Variants in CDC25B observed in about 807,000 individuals in gnomAD.
CDC25B encodes M-phase inducer phosphatase 2.
A neutral mutation model predicts 69.8 loss-of-function variants in CDC25B; 33 were observed. The ratio of observed to expected loss-of-function variants is 0.47; its 90% CI spans 0.36 to 0.63. The LOEUF is 0.63. Among genes scored for constraint, CDC25B ranks in the 30% least tolerant of loss-of-function variants. The pLI, the probability that CDC25B is intolerant of heterozygous loss-of-function variation, is 0.00. For synonymous variants in CDC25B, 341 were observed against 314.6 expected, an observed-to-expected ratio of 1.08 and a Z score of -0.89; for missense variants, 727 against 809.1, an observed-to-expected ratio of 0.90 and a Z score of 1.23.
At chr20:3,796,880 C>A in intron 1 of CDC25B, 149 bp downstream of exon 1, 1 of 1,046,888 alleles carries the variant, frequency 9.6e-7, no homozygotes. Flanking sequence ...CTTGTTCCCT[C>A]CTAGGGGCCC....
rs762810194 is a variant in CDC25B at position 3,802,395 on chromosome 20, G to T, written c.1194+19G>T. On this transcript the variant is annotated intron_variant, in intron 11 of 15. Transcript: ENST00000245960. Reference sequence around the variant, plus strand: ...CTCTAAGGTACCTGCAGCAGCGAAGGGGGTACCTTGGGGGCTTGACCTCTT... The same window carrying T: ...CTCTAAGGTACCTGCAGCAGCGAAGTGGGTACCTTGGGGGCTTGACCTCTT... The T allele has an allele frequency of 2.2e-5, 34 of 1,553,762 alleles. No homozygotes were observed. The highest frequency in any genetic ancestry group is 1.7e-4 in the Middle Eastern group (1 of 5,982).
chr20:3,798,489 T>A (rs201830048), intron 3 of CDC25B, 26 bp downstream of exon 3: 20 of 1,555,320 alleles, frequency 1.3e-5, no homozygotes, highest in Non-Finnish European at 1.6e-5. Context: ...AATGTGTACT[T>A]CCAAGCATTC....
chr20:3,799,711 G>T (rs2089206669), intron 3 of CDC25B, among the ~76,000 whole-genome samples: 1 of 152,086 alleles, frequency 6.6e-6, no homozygotes, highest in Non-Finnish European at 1.5e-5. Context: ...AGGAGAGGAT[G>T]TGAGCCTGCA....
rs748880746 is a variant in CDC25B at position 3,801,037 on chromosome 20, T to C, written c.649T>C (p.Trp217Arg). ...CAGCTCCACCCATGCTCTGGCAGAGTGGGCCAGCCGCAGGGAAGCCTTTGC... is the reference window on the plus strand; with the variant it reads ...CAGCTCCACCCATGCTCTGGCAGAGCGGGCCAGCCGCAGGGAAGCCTTTGC... ...HPSSTHALAE[W>R]ASRREAFAQR... The change falls in exon 7 of 16, where the codon TGG becomes CGG. Residue 217 changes from tryptophan (W) to arginine (R), a missense_variant. Coordinates refer to ENST00000245960, the MANE Select transcript of CDC25B (RefSeq NM_021873.4). 1.2e-6 allele frequency: 2 copies of C among 1,613,810 alleles called. No homozygotes were observed. The highest frequency in any genetic ancestry group is 1.7e-5 in the Admixed American group (1 of 60,006).
upstream of CDC25B, among the ~76,000 whole-genome samples, chr20:3,791,960 C>T (rs574939149): frequency 6.6e-6 from 1 of 152,232 alleles, no homozygotes; most frequent in Non-Finnish European, 1.5e-5. Flanking sequence ...GTCACCCAGG[C>T]TGGAGTGCAG....
intron 3 of CDC25B, 92 bp from the exon 4 acceptor site, chr20:3,800,195 GC>G: frequency 7.8e-7 from 1 of 1,285,118 alleles, no homozygotes; most frequent in East Asian, 2.3e-5. Context: ...CCTTGTCTTT[GC>G]CCTTACTCCC....
chr20:3,798,620 G>T (rs1034180322), intron 3 of CDC25B, among the ~76,000 whole-genome samples, 157 bp downstream of exon 3: 2 of 152,128 alleles, frequency 1.3e-5, no homozygotes, highest in Admixed American at 6.6e-5. Context: ...ACTTTCTCAG[G>T]CCTTGGCATT....
At chr20:3,804,785 C>T (rs1352960825) in intron 15 of CDC25B, 36 bp from the exon 16 acceptor site, 1 of 1,611,944 alleles carries the variant, frequency 6.2e-7, no homozygotes, top group Admixed American at 1.7e-5. Flanking sequence ...CAAACTTACC[C>T]ATTCCACTGC....
Position 3,805,858 on chromosome 20 carries a change from T to TA in CDC25B, c.*898dup. 2.5e-6 allele frequency: 1 copy of TA among 404,748 alleles called. No individual in the cohort carries two copies. The highest frequency in any genetic ancestry group is 4.4e-6 in the Non-Finnish European group (1 of 227,850). 25.1% of individuals were successfully genotyped at this position (404,748 alleles called of 1,614,324 possible). A position where few individuals can be genotyped will look rare whatever the true frequency, so the allele number is the denominator to read the frequency against. On this transcript the variant is annotated 3_prime_UTR_variant, in exon 16 of 16. Transcript: ENST00000245960. ...GGCCGTGGATGCGCAGTGCCTTGCA[T>TA]ACCCAAACCAGGTGGGAGCGTTTTG...
chr20:3,804,059 A>G (rs1210167667), intron 14 of CDC25B, among the ~76,000 whole-genome samples: 2 of 152,096 alleles, frequency 1.3e-5, no homozygotes, highest in Non-Finnish European at 2.9e-5. Context: ...ATGTGGTGGG[A>G]ATCTGCACCC....
At chr20:3,788,401 C>A (rs1271530329) in intron 1 of CDC25B, among the ~76,000 whole-genome samples, 1 of 152,170 alleles carries the variant, frequency 6.6e-6, no homozygotes, top group Non-Finnish European at 1.5e-5. Context: ...AAGAAAAGAT[C>A]TTGTTAAGTA....
chr20:3,800,676 G>T (rs1370811337), intron 5 of CDC25B, 67 bp from the exon 6 acceptor site: 5 of 1,599,604 alleles, frequency 3.1e-6, no homozygotes. Flanking sequence ...GAGAAGGTAG[G>T]GCCTGGGCTC....
At chr20:3,787,052 G>A in exon 1 of CDC25B, 1 of 602,514 alleles carries the variant, frequency 1.7e-6, no homozygotes, top group South Asian at 2.0e-5. Flanking sequence ...TTTAATTAAG[G>A]TAAAAATAAC....
Position 3,805,148 on chromosome 20 carries a change from G to A in CDC25B, c.*187G>A. ...GTCATCCCATCATTTTCCATATCCT[G>A]GTGCCCCCCACCCCTGGAAGAGCCC... On this transcript the variant is annotated 3_prime_UTR_variant, in exon 16 of 16. Transcript: ENST00000245960. 1 of 627,372 alleles carries A rather than the reference G, an allele frequency of 1.6e-6. No individual in the cohort carries two copies. Among genetic ancestry groups the A allele is most frequent in the Non-Finnish European group, 2.7e-6 (1 of 365,046 alleles). 38.9% of individuals were successfully genotyped at this position (627,372 alleles called of 1,614,324 possible).
rs768275270 is a variant in CDC25B at position 3,802,934 on chromosome 20, G to A, written c.1219G>A (p.Gly407Arg). 3 of 1,614,014 alleles carry A rather than the reference G, an allele frequency of 1.9e-6. No homozygotes were observed. The highest frequency in any genetic ancestry group is 2.5e-6 in the Non-Finnish European group (3 of 1,179,928). The stretch of plus-strand genomic sequence containing the variant: ...GGCCTTCCTCCTACAGACAGTAGAC[G>A]GAAAGCACCAAGACCTCAAGTACAT... ...SKAFLLQTVDGKHQDLKYISP... is the reference protein window; with the variant it reads ...SKAFLLQTVDRKHQDLKYISP... The change falls in exon 12 of 16, where the codon GGA (glycine) becomes AGA (arginine). Residue 407 changes from glycine (G) to arginine (R), a missense_variant. Coordinates refer to ENST00000245960, the MANE Select transcript of CDC25B (RefSeq NM_021873.4).
chr20:3,796,418 T>TCCCCCCCCCCCCCCCCCCC lies in CDC25B; in HGVS notation c.-102_-101insCCCCCCCCCCCCCCCCCCC, dbSNP rs1217802585. The TCCCCCCCCCCCCCCCCCCC allele has an allele frequency of 2.0e-5, 3 of 152,060 alleles. No homozygotes were observed. Among genetic ancestry groups the TCCCCCCCCCCCCCCCCCCC allele is most frequent in the South Asian group, 2.1e-4 (1 of 4,716 alleles). 9.4% of individuals were successfully genotyped at this position (152,060 alleles called of 1,614,324 possible). A position where few individuals can be genotyped will look rare whatever the true frequency, so the allele number is the denominator to read the frequency against. The stretch of plus-strand genomic sequence containing the variant: ...CTGTGGCTCTTCCTCCCTCCCTCCT[T>TCCCCCCCCCCCCCCCCCCC]CCCCCCCCCCCCACCCCTCGCCCGC... On this transcript the variant is annotated 5_prime_UTR_variant, in exon 1 of 16. Transcript: ENST00000245960.
chr20:3,792,675 C>T (rs1001582524), upstream of CDC25B, among the ~76,000 whole-genome samples: 7 of 152,168 alleles, frequency 4.6e-5, no homozygotes, highest in Admixed American at 1.3e-4. Flanking sequence ...ACCATGTCGG[C>T]CAGGCTGGTC....
chr20:3,801,224 T>C (rs2089271746), intron 7 of CDC25B, 30 bp from the exon 8 acceptor site: 1 of 1,610,578 alleles, frequency 6.2e-7, no homozygotes, highest in Non-Finnish European at 8.5e-7. Flanking sequence ...TCTCCACCTC[T>C]AAGTCTGTGT....
At chr20:3,797,788 AGGAGAGTTTGTGGGGGCT>A in intron 2 of CDC25B, 39 bp downstream of exon 2, 1 of 1,609,506 alleles carries the variant, frequency 6.2e-7, no homozygotes. Context: ...TGCCTGTGTC[AGGAGAGTTTGTGGGGGCT>A]GCCTGGGCCT....
Sources: allele counts gnomAD v4.1 joint callset (sites outside exome capture counted in the v4.1 genomes callset), GRCh38; gene constraint gnomAD v4.1.1; transcripts MANE v1.5; gene names NCBI Gene and HGNC (gene_info 2026-07-23, HGNC 2026-07-21).